Variants in PACC1 observed in about 807,000 individuals in gnomAD.
PACC1 encodes proton activated chloride channel 1.
A neutral mutation model predicts 39.7 loss-of-function variants in PACC1; 34 were observed. The ratio of observed to expected loss-of-function variants is 0.86; its 90% CI spans 0.65 to 1.14. The LOEUF (loss-of-function observed/expected upper bound fraction) is 1.14. Among genes scored for constraint, PACC1 ranks in the 50% most tolerant of loss-of-function variants. PACC1 has a pLI of 0.00. For missense variants in PACC1, 379 were observed against 436.4 expected (o/e 0.87, Z 1.17); for synonymous variants, 127 against 160.6 (o/e 0.79, Z 1.58).
At chr1:212,392,698 G>A (rs9730069) in intron 2 of PACC1, among the ~76,000 whole-genome samples, 8,011 of 151,974 alleles carry the variant, frequency 0.053, 316 homozygotes, top group Admixed American at 0.11. Flanking sequence ...CCCATCTCAC[G>A]TGCAGAGACA....
intron 2 of PACC1, among the ~76,000 whole-genome samples, chr1:212,406,710 A>T (rs1661932719): frequency 6.6e-6 from 1 of 152,186 alleles, no homozygotes; most frequent in Non-Finnish European, 1.5e-5. Context: ...AGCAAGTGGG[A>T]ATGCTCTTGC....
chr1:212,379,809 C>A, intron 5 of PACC1, 86 bp downstream of exon 5: 1 of 1,545,726 alleles, frequency 6.5e-7, no homozygotes, highest in Non-Finnish European at 8.8e-7. Flanking sequence ...CCTGCCCTCA[C>A]CCCTCCGTCT....
At chr1:212,402,798 G>A (rs1048049718) in intron 2 of PACC1, among the ~76,000 whole-genome samples, 4 of 152,150 alleles carry the variant, frequency 2.6e-5, no homozygotes, top group African/African-American at 9.7e-5. Flanking sequence ...GGAATTACAG[G>A]CATGAGCCAC....
chr1:212,382,412 C>T (rs1336561530), intron 4 of PACC1, among the ~76,000 whole-genome samples: 3 of 151,994 alleles, frequency 2.0e-5, no homozygotes, highest in Admixed American at 6.6e-5. Flanking sequence ...GGGAAAATGG[C>T]GGGCAGTAAG....
chr1:212,408,055 C>CA (rs1661983093), intron 2 of PACC1, among the ~76,000 whole-genome samples: 1 of 139,726 alleles, frequency 7.2e-6, no homozygotes. Flanking sequence ...GCCTGGGTGA[C>CA]AGAGTGAGAC....
chr1:212,405,469 AG>A (rs1448765639), intron 2 of PACC1, among the ~76,000 whole-genome samples: 1 of 152,224 alleles, frequency 6.6e-6, no homozygotes, highest in Admixed American at 6.5e-5. Flanking sequence ...GGACCTCATC[AG>A]GGAAGTCAAG....
intron 1 of PACC1, 78 bp downstream of exon 1, chr1:212,414,644 C>G: frequency 6.4e-7 from 1 of 1,565,542 alleles, no homozygotes; most frequent in Non-Finnish European, 8.8e-7. Flanking sequence ...CCGACACCCC[C>G]CGCCCCGCAT....
At chr1:212,394,549 C>T (rs1288562506) in intron 2 of PACC1, among the ~76,000 whole-genome samples, 5 of 152,270 alleles carry the variant, frequency 3.3e-5, no homozygotes, top group African/African-American at 1.2e-4. Context: ...CCTCTCTCAC[C>T]ACTCCTATTC....
At chr1:212,390,622 G>A (rs1022659289) in intron 2 of PACC1, among the ~76,000 whole-genome samples, 7 of 152,074 alleles carry the variant, frequency 4.6e-5, no homozygotes, top group Non-Finnish European at 7.4e-5. Context: ...CGCACCGAGT[G>A]TGAGCTGAAG....
intron 4 of PACC1, among the ~76,000 whole-genome samples, chr1:212,384,884 TTGGCTTCACA>T (rs1260376117): frequency 1.3e-5 from 2 of 152,258 alleles, no homozygotes; most frequent in East Asian, 3.8e-4. Flanking sequence ...TATAATTCAG[TTGGCTTCACA>T]TGGAACCTAG....
intron 2 of PACC1, among the ~76,000 whole-genome samples, chr1:212,392,800 AAC>A (rs1248892986): frequency 6.6e-6 from 1 of 151,756 alleles, no homozygotes; most frequent in East Asian, 1.9e-4. Flanking sequence ...TCTCTGATAA[AAC>A]AGACTTTAAA....
intron 4 of PACC1, among the ~76,000 whole-genome samples, chr1:212,382,383 A>C (rs1660934747): frequency 6.6e-6 from 1 of 152,182 alleles, no homozygotes; most frequent in African/African-American, 2.4e-5. Flanking sequence ...ATGAGGGAAC[A>C]GCCAAACATT....
intron 5 of PACC1, among the ~76,000 whole-genome samples, chr1:212,379,526 T>C (rs1462898744): frequency 6.6e-6 from 1 of 152,198 alleles, no homozygotes; most frequent in Non-Finnish European, 1.5e-5. Context: ...GTGGTTCCTG[T>C]GCACACTGTG....
chr1:212,391,555 G>A (rs999005886), intron 2 of PACC1, among the ~76,000 whole-genome samples: 3 of 152,204 alleles, frequency 2.0e-5, no homozygotes, highest in Non-Finnish European at 1.5e-5. Flanking sequence ...CCAAAGGAAC[G>A]CAGCTCCTCA....
chr1:212,392,248 G>C (rs1269133741), intron 2 of PACC1, among the ~76,000 whole-genome samples: 1 of 152,220 alleles, frequency 6.6e-6, no homozygotes, highest in Non-Finnish European at 1.5e-5. Flanking sequence ...TGATCTCTCA[G>C]CAGAAACTCT....
rs1661575429 is a variant in PACC1 at position 212,397,737 on chromosome 1, CA to C, written c.134-10638del. On this transcript the variant is annotated intron_variant, in intron 2 of 7. Coordinates refer to ENST00000261455, the MANE Select transcript of PACC1 (RefSeq NM_018252.3). ...TCAACTGCAGGAAGAATGGGAAGCA[CA>C]GGGAGAAGGGCAGTTATCAGCAAAG... Among the ~76,000 whole-genome samples the C allele has an allele frequency of 2.0e-5, 3 of 152,126 alleles. No homozygotes were observed. In the South Asian group the frequency reaches 6.2e-4, roughly 32 times the overall value.
intron 4 of PACC1, among the ~76,000 whole-genome samples, chr1:212,384,058 T>C (rs1661005685): frequency 6.6e-6 from 1 of 152,212 alleles, no homozygotes; most frequent in Non-Finnish European, 1.5e-5. Flanking sequence ...CTTGTACCTC[T>C]ACAACAGGTC....
chr1:212,367,853 T>G (rs1168777006), intron 7 of PACC1, among the ~76,000 whole-genome samples: 1 of 152,074 alleles, frequency 6.6e-6, no homozygotes, highest in African/African-American at 2.4e-5. Flanking sequence ...CAAAAGGCAA[T>G]CGGCCACCCT....
Position 212,385,410 on chromosome 1 carries a change from G to T in PACC1, c.359C>A (p.Pro120His), listed in dbSNP as rs771386337. ...RYDAPGIALYPGQAQLLSCKH... is the reference protein window; with the variant it reads ...RYDAPGIALYHGQAQLLSCKH... ...ACAGCTGAGCAACTGGGCCTGACCGGGGTACAAGGCAATACCTGGGGGCAC... is the reference window on the plus strand; with the variant it reads ...ACAGCTGAGCAACTGGGCCTGACCGTGGTACAAGGCAATACCTGGGGGCAC... The change falls in exon 4 of 8, where the codon CCC becomes CAC. Residue 120 changes from proline (P) to histidine (H), a missense_variant. Coordinates refer to ENST00000261455, the MANE Select transcript of PACC1 (RefSeq NM_018252.3). 1 of 1,614,028 alleles carries T rather than the reference G, an allele frequency of 6.2e-7. No individual in the cohort carries two copies. The highest frequency in any genetic ancestry group is 8.5e-7 in the Non-Finnish European group (1 of 1,179,974).
Sources: gnomAD v4.1 joint callset for allele counts (sites outside exome capture counted in the v4.1 genomes callset) on GRCh38, gnomAD v4.1.1 for gene constraint, MANE v1.5 for transcripts, NCBI Gene and HGNC (gene_info 2026-07-23, HGNC 2026-07-21) for gene names.